Variants in KCNH1 observed in about 807,000 individuals in gnomAD.
KCNH1 encodes the protein potassium voltage-gated channel subfamily H member 1.
In KCNH1, 27 loss-of-function variants were observed where a neutral mutation model predicts 69.2. The ratio of observed to expected loss-of-function variants is 0.39; its 90% CI spans 0.29 to 0.54. The LOEUF (loss-of-function observed/expected upper bound fraction) is 0.54. Ranked by LOEUF, KCNH1 falls within the 20% of genes least tolerant of loss-of-function variation. KCNH1 has a pLI of 0.68. For missense variants in KCNH1, 798 were observed against 1,261.6 expected (o/e 0.63, Z 5.57); for synonymous variants, 456 against 487.7 (o/e 0.93, Z 0.86).
chr1:210,822,548 T>C (rs1684951165), intron 7 of KCNH1, among the ~76,000 whole-genome samples: 2 of 152,164 alleles, frequency 1.3e-5, no homozygotes, highest in Admixed American at 6.6e-5. Flanking sequence ...GAAGGTCCTA[T>C]GCTTGGTTGA....
At chr1:210,840,180 G>T (rs185476013) in intron 7 of KCNH1, among the ~76,000 whole-genome samples, 2 of 152,130 alleles carry the variant, frequency 1.3e-5, no homozygotes, top group Non-Finnish European at 2.9e-5. Flanking sequence ...TAAAGGCAAC[G>T]TACACACCTC....
intron 5 of KCNH1, among the ~76,000 whole-genome samples, chr1:211,072,910 T>C (rs1690672727): frequency 6.6e-6 from 1 of 152,164 alleles, no homozygotes; most frequent in African/African-American, 2.4e-5. Context: ...TTCAGTGGTC[T>C]AAATATACAA....
chr1:211,091,423 TC>T (rs1416247897), intron 3 of KCNH1, among the ~76,000 whole-genome samples: 1 of 152,090 alleles, frequency 6.6e-6, no homozygotes, highest in Non-Finnish European at 1.5e-5. Flanking sequence ...CACCTTGGCC[TC>T]CCACAAGTGC....
chr1:210,998,735 A>T (rs570415247), intron 6 of KCNH1, among the ~76,000 whole-genome samples: 39 of 152,282 alleles, frequency 2.6e-4, no homozygotes, highest in Middle Eastern at 6.8e-3. Flanking sequence ...CAACACACCT[A>T]ATCCAAAATT....
Position 211,019,235 on chromosome 1 carries a change from T to A in KCNH1, c.580A>T (p.Ile194Phe). 6.2e-7 allele frequency: 1 copy of A among 1,608,894 alleles called. No individual in the cohort carries two copies. Among genetic ancestry groups the A allele is most frequent in the African/African-American group, 1.3e-5 (1 of 74,982 alleles). Residue 194 changes from isoleucine to phenylalanine, a missense_variant, in exon 6 of 11, where the codon ATC (isoleucine) becomes TTC (phenylalanine). By Grantham distance (21) the Ile-to-Phe change is conservative. Coordinates refer to ENST00000271751, the MANE Select transcript of KCNH1 (RefSeq NM_172362.3). The stretch of plus-strand genomic sequence containing the variant: ...GCCTCTTGCTTGTACTGGGGAAGGA[T>A]GTCTGAGCCCAGCTGTAGGACCTGT... ...LAEVLQLGSD[I>F]LPQYKQEAPK... is the part of the protein sequence containing the mutation.
At chr1:210,936,835 GA>G (rs150884367) in intron 6 of KCNH1, among the ~76,000 whole-genome samples, 6,203 of 152,154 alleles carry the variant, frequency 0.041, 191 homozygotes, top group South Asian at 0.065. Context: ...CTCCAACTCT[GA>G]AATCTTACAC....
At chr1:210,687,865 A>G (rs1435690851) in intron 10 of KCNH1, among the ~76,000 whole-genome samples, 7 of 152,154 alleles carry the variant, frequency 4.6e-5, no homozygotes, top group African/African-American at 1.7e-4. Context: ...GAGATGCTCC[A>G]CAGCTCCCCA....
intron 6 of KCNH1, among the ~76,000 whole-genome samples, chr1:210,962,659 T>C (rs1282986720): frequency 1.3e-5 from 2 of 151,912 alleles, no homozygotes; most frequent in Non-Finnish European, 2.9e-5. Context: ...TTCATATTGA[T>C]GGAGATCTGG....
intron 7 of KCNH1, among the ~76,000 whole-genome samples, chr1:210,834,918 A>C (rs1040979746): frequency 6.6e-6 from 1 of 151,950 alleles, no homozygotes; most frequent in Non-Finnish European, 1.5e-5. Flanking sequence ...TGAGAAATAA[A>C]TTTCTATTGT....
At chr1:210,837,425 CCAA>C (rs1270373773) in intron 7 of KCNH1, among the ~76,000 whole-genome samples, 2 of 152,090 alleles carry the variant, frequency 1.3e-5, no homozygotes, top group African/African-American at 4.8e-5. Flanking sequence ...TTTGTTATCA[CCAA>C]CGATTAGTGC....
At chr1:211,033,205 C>A (rs567813897) in intron 5 of KCNH1, among the ~76,000 whole-genome samples, 37 of 152,294 alleles carry the variant, frequency 2.4e-4, no homozygotes, top group African/African-American at 8.9e-4. Context: ...ATCAAAACCA[C>A]AATGAGATAC....
chr1:210,873,580 C>CTCAGCCATCCTCCTAAT (rs532271158), intron 7 of KCNH1, among the ~76,000 whole-genome samples: 1 of 152,164 alleles, frequency 6.6e-6, no homozygotes, highest in East Asian at 1.9e-4. Context: ...AACTCCTGAC[C>CTCAGCCATCCTCCTAAT]TCAGCCATCC....
intron 6 of KCNH1, among the ~76,000 whole-genome samples, chr1:210,930,618 G>C (rs1007317235): frequency 2.0e-5 from 3 of 152,146 alleles, no homozygotes; most frequent in Admixed American, 2.0e-4. Context: ...TCTAGACATT[G>C]ACTTAGGCAA....
intron 6 of KCNH1, among the ~76,000 whole-genome samples, chr1:210,975,548 T>C (rs1236547929): frequency 6.6e-6 from 1 of 152,230 alleles, no homozygotes; most frequent in Non-Finnish European, 1.5e-5. Context: ...GCTAGCCATA[T>C]GTAGAAAGCT....
At chr1:210,881,182 T>C (rs528101671) in intron 7 of KCNH1, among the ~76,000 whole-genome samples, 27 of 152,262 alleles carry the variant, frequency 1.8e-4, no homozygotes, top group African/African-American at 6.3e-4. Flanking sequence ...TTTGTATATT[T>C]TGTTGAGATG....
chr1:211,025,475 T>G (rs966369146), intron 5 of KCNH1, among the ~76,000 whole-genome samples: 3 of 151,990 alleles, frequency 2.0e-5, no homozygotes, highest in Non-Finnish European at 2.9e-5. Context: ...ATTACATGAG[T>G]GTGATTAAGG....
chr1:210,997,645 T>G (rs114486095), intron 6 of KCNH1, among the ~76,000 whole-genome samples: 2,744 of 152,162 alleles, frequency 0.018, 61 homozygotes, highest in South Asian at 0.093. Context: ...ACATGCAGAT[T>G]CAGGAAATAC....
intron 10 of KCNH1, among the ~76,000 whole-genome samples, chr1:210,706,330 C>T (rs149709446): frequency 1.6e-3 from 238 of 152,330 alleles, no homozygotes; most frequent in African/African-American, 5.3e-3. Context: ...TCTGAGTCCC[C>T]AGTCATTGAT....
At chr1:211,073,335 A>C (rs1690679835) in intron 5 of KCNH1, among the ~76,000 whole-genome samples, 1 of 152,220 alleles carries the variant, frequency 6.6e-6, no homozygotes, top group South Asian at 2.1e-4. Context: ...AAAATCAGTA[A>C]GGATATAGTT....
Sources: gnomAD v4.1 joint callset for allele counts (sites outside exome capture counted in the v4.1 genomes callset) on GRCh38, gnomAD v4.1.1 for gene constraint, MANE v1.5 for transcripts, NCBI Gene and HGNC (gene_info 2026-07-23, HGNC 2026-07-21) for gene names.